Variants in JADE3 observed in about 807,000 individuals in gnomAD.
The protein encoded by JADE3 is protein Jade-3.
JADE3 carries 2 observed loss-of-function variants against 50.1 expected under a neutral mutation model. That is an observed-to-expected ratio of 0.04 (90% CI 0.02 to 0.13). The LOEUF is 0.13. Among genes scored for constraint, JADE3 ranks in the 10% least tolerant of loss-of-function variants. The pLI is 1.00. For missense variants in JADE3, 475 were observed against 634.4 expected, an observed-to-expected ratio of 0.75 and a Z score of 2.70; for synonymous variants, 218 against 232.9, an observed-to-expected ratio of 0.94 and a Z score of 0.58.
chrX:46,950,426 A>G, intron 1 of JADE3, among the ~76,000 whole-genome samples: 1 of 112,487 alleles, frequency 8.9e-6, no homozygotes, highest in South Asian at 3.6e-4. Context: ...ACGTAGTATA[A>G]TGTTTTGGGG....
intron 1 of JADE3, among the ~76,000 whole-genome samples, chrX:46,913,621 TC>T (rs1926018475): frequency 1.8e-5 from 2 of 111,218 alleles, no homozygotes; most frequent in African/African-American, 6.6e-5. Context: ...TCAATCTTTT[TC>T]TCCCGCTTTT....
intron 8 of JADE3, among the ~76,000 whole-genome samples, chrX:47,044,171 C>A (rs1241340266): frequency 9.0e-6 from 1 of 111,330 alleles, no homozygotes; most frequent in African/African-American, 3.3e-5. Context: ...TATTCAAGTA[C>A]AAGAAGATTA....
intron 1 of JADE3, among the ~76,000 whole-genome samples, chrX:46,929,488 T>G (rs984857898): frequency 9.0e-6 from 1 of 111,650 alleles, no homozygotes; most frequent in Admixed American, 9.5e-5. Flanking sequence ...TAGGCTACTT[T>G]CTTCCCATAA....
intron 3 of JADE3, among the ~76,000 whole-genome samples, chrX:46,990,661 C>T (rs1216804744): frequency 9.0e-6 from 1 of 111,442 alleles, no homozygotes; most frequent in Non-Finnish European, 1.9e-5. Flanking sequence ...CCAATAATCA[C>T]CCTCTTTTAA....
chrX:46,940,006 A>G (rs1347586920), intron 1 of JADE3, among the ~76,000 whole-genome samples: 5 of 112,705 alleles, frequency 4.4e-5, no homozygotes, highest in East Asian at 2.8e-4. Context: ...ATTTTACACT[A>G]CAATGGCAGA....
chrX:47,001,299 A>C (rs2147139023), intron 4 of JADE3, among the ~76,000 whole-genome samples: 1 of 111,756 alleles, frequency 8.9e-6, no homozygotes, highest in Non-Finnish European at 1.9e-5. Context: ...TTGATTCAGT[A>C]GATCTGAGGT....
At position 47,058,566 on chromosome X, in the gene JADE3, A is replaced by G; in HGVS notation, c.1961A>G (p.Asn654Ser). The change falls in exon 11 of 11, where the codon AAT becomes AGT. Residue 654 changes from asparagine (N) to serine (S), a missense_variant. Physicochemically the swap from Asn to Ser is conservative, Grantham distance 46. Transcript: ENST00000614628. ...AALHGQSSIG[N>S]GKSQPNSKFA... is the part of the protein sequence containing the mutation. ...CTCCATGGACAGTCTTCCATTGGGA[A>G]TGGGAAAAGTCAGCCTAACTCCAAG... 8.3e-7 allele frequency: 1 copy of G among 1,210,970 alleles called. No individual in the cohort carries two copies. Among genetic ancestry groups the G allele is most frequent in the Non-Finnish European group, 1.1e-6 (1 of 895,209 alleles).
At position 47,058,930 on chromosome X, in the gene JADE3, T is replaced by A. The variant is rs782361340; in HGVS notation, c.2325T>A (p.Asp775Glu). The change falls in exon 11 of 11, where the codon GAT (aspartate) becomes GAA (glutamate). Residue 775 changes from aspartate to glutamate, a missense_variant. Asp to Glu is a conservative substitution (Grantham distance 45). Coordinates refer to ENST00000614628, the MANE Select transcript of JADE3 (RefSeq NM_014735.5). ...DGYCPDLELS[D>E]SEAESDGNKE... ...ATTGCCCAGATTTGGAGCTGAGTGA[T>A]TCAGAGGCAGAAAGTGATGGGAATA... 1 of 1,211,052 alleles carries A rather than the reference T, an allele frequency of 8.3e-7. No homozygotes were observed. Among genetic ancestry groups the A allele is most frequent in the Non-Finnish European group, 1.1e-6 (1 of 895,316 alleles).
intron 4 of JADE3, among the ~76,000 whole-genome samples, chrX:47,003,395 G>A (rs1335432861): frequency 2.8e-5 from 3 of 108,814 alleles, no homozygotes; most frequent in Non-Finnish European, 5.7e-5. Context: ...TCCAAATACA[G>A]TCACATTGGG....
chrX:47,010,185 T>G (rs1928525837), intron 4 of JADE3, among the ~76,000 whole-genome samples: 1 of 111,352 alleles, frequency 9.0e-6, no homozygotes, highest in Non-Finnish European at 1.9e-5. Context: ...TTGCTTTTCT[T>G]AGATTTTTTT....
chrX:47,034,071 G>A (rs1244133219), intron 7 of JADE3, among the ~76,000 whole-genome samples: 1 of 110,365 alleles, frequency 9.1e-6, no homozygotes, highest in Non-Finnish European at 1.9e-5. Flanking sequence ...ATGATATTTG[G>A]GTATATCATG....
intron 3 of JADE3, among the ~76,000 whole-genome samples, chrX:46,995,777 T>C (rs1331657695): frequency 9.0e-6 from 1 of 111,628 alleles, no homozygotes; most frequent in Non-Finnish European, 1.9e-5. Context: ...TGTCTCATGC[T>C]TGAGATTGAC....
At chrX:47,015,144 CA>C (rs1294162354) in intron 4 of JADE3, among the ~76,000 whole-genome samples, 6 of 112,193 alleles carry the variant, frequency 5.3e-5, no homozygotes, top group African/African-American at 1.9e-4. Flanking sequence ...AATGTAAAAA[CA>C]AAAAATTATG....
chrX:47,049,801 G>C (rs1459404438), intron 8 of JADE3, among the ~76,000 whole-genome samples: 1 of 84,185 alleles, frequency 1.2e-5, no homozygotes, highest in Admixed American at 1.6e-4. Context: ...TCGCCCTGTC[G>C]TCCAGGCTGG....
chrX:46,972,088 A>G (rs1451560173), intron 1 of JADE3, among the ~76,000 whole-genome samples: 4 of 112,413 alleles, frequency 3.6e-5, no homozygotes, highest in African/African-American at 1.3e-4. Context: ...GATATGGCCT[A>G]CAAGCATACA....
At chrX:46,965,245 G>A (rs1405692561) in intron 1 of JADE3, among the ~76,000 whole-genome samples, 2 of 111,228 alleles carry the variant, frequency 1.8e-5, no homozygotes, top group Non-Finnish European at 3.8e-5. Context: ...CCCTGACTGT[G>A]AAGTCAGAGA....
In JADE3 at chrX:46,972,952, A is replaced by G. The variant is rs782612899; in HGVS notation, c.-11-11932A>G. 8.9e-5 allele frequency among the ~76,000 whole-genome samples: 10 copies of G among 112,269 alleles called. No individual in the cohort carries two copies. In the South Asian group the frequency reaches 3.7e-3, roughly 42 times the overall value. ...GTGTTCATTTGTTTATGTACTGTCTATGGCTGCCTTCATGCTACAATGGCA... is the reference window on the plus strand; with the variant it reads ...GTGTTCATTTGTTTATGTACTGTCTGTGGCTGCCTTCATGCTACAATGGCA... On this transcript the variant is annotated intron_variant, in intron 1 of 10. Coordinates refer to ENST00000614628, the MANE Select transcript of JADE3 (RefSeq NM_014735.5).
chrX:46,942,022 C>T (rs781837100), intron 1 of JADE3, among the ~76,000 whole-genome samples: 17 of 109,776 alleles, frequency 1.5e-4, no homozygotes, highest in Admixed American at 1.1e-3. Flanking sequence ...GGATTACAGG[C>T]GTGAGCCATT....
chrX:46,987,582 A>G (rs782596871), intron 3 of JADE3, among the ~76,000 whole-genome samples: 16 of 112,165 alleles, frequency 1.4e-4, no homozygotes, highest in African/African-American at 4.2e-4. Flanking sequence ...TCTGGGCACA[A>G]TAGAATGTAA....
Sources: allele counts gnomAD v4.1 joint callset (sites outside exome capture counted in the v4.1 genomes callset), GRCh38; gene constraint gnomAD v4.1.1; transcripts MANE v1.5; gene names NCBI Gene and HGNC (gene_info 2026-07-23, HGNC 2026-07-21).